AOAH: variants seen among roughly 807,000 people sequenced by gnomAD.
The protein encoded by AOAH is acyloxyacyl hydrolase.
Under a neutral mutation model 92.2 loss-of-function variants are expected in AOAH, and 64 were observed. The ratio of observed to expected loss-of-function variants is 0.69; its 90% CI spans 0.57 to 0.86. AOAH has a LOEUF of 0.86. AOAH is among the 40% of genes least tolerant of loss of function. The pLI is 0.00. For missense variants in AOAH, 656 were observed against 694.6 expected, an observed-to-expected ratio of 0.94 and a Z score of 0.62; for synonymous variants, 263 against 254.5, an observed-to-expected ratio of 1.03 and a Z score of -0.32.
chr7:36,521,073 G>A (rs1314455872), intron 20 of AOAH, among the ~76,000 whole-genome samples: 1 of 152,076 alleles, frequency 6.6e-6, no homozygotes, highest in East Asian at 1.9e-4. Context: ...TTGGAGGAAG[G>A]TGGGCTGTGT....
intron 13 of AOAH, among the ~76,000 whole-genome samples, chr7:36,569,537 C>T (rs1191982407): frequency 6.6e-6 from 1 of 151,030 alleles, no homozygotes; most frequent in African/African-American, 2.4e-5. Flanking sequence ...ACCAGATTTA[C>T]ATATATATAT....
chr7:36,611,111 C>T (rs749021496), intron 11 of AOAH, among the ~76,000 whole-genome samples: 5 of 152,108 alleles, frequency 3.3e-5, no homozygotes, highest in African/African-American at 4.8e-5. Context: ...TTATTCTTGT[C>T]CCGTCTCCTA....
chr7:36,553,435 C>T (rs374901277), intron 13 of AOAH, among the ~76,000 whole-genome samples: 3 of 151,032 alleles, frequency 2.0e-5, no homozygotes, highest in African/African-American at 4.9e-5. Flanking sequence ...TGAATAGTGC[C>T]GCAATAAACA....
At chr7:36,687,361 T>TG (rs1797099188) in intron 1 of AOAH, among the ~76,000 whole-genome samples, 1 of 152,172 alleles carries the variant, frequency 6.6e-6, no homozygotes, top group East Asian at 1.9e-4. Context: ...GCATACTACT[T>TG]GAAAGCATGC....
intron 16 of AOAH, among the ~76,000 whole-genome samples, chr7:36,538,766 A>G (rs1785239048): frequency 6.6e-6 from 1 of 152,218 alleles, no homozygotes; most frequent in Non-Finnish European, 1.5e-5. Flanking sequence ...ATGTGTGATC[A>G]TGTTATTTCT....
chr7:36,565,746 C>A (rs1040837795), intron 13 of AOAH, among the ~76,000 whole-genome samples: 1 of 151,704 alleles, frequency 6.6e-6, no homozygotes, highest in Non-Finnish European at 1.5e-5. Context: ...TCTCGCTATG[C>A]GCAGACTTGT....
chr7:36,711,336 T>G (rs1798757585), intron 1 of AOAH, among the ~76,000 whole-genome samples: 1 of 152,220 alleles, frequency 6.6e-6, no homozygotes, highest in African/African-American at 2.4e-5. Context: ...AAATATTCTG[T>G]ATTCTTACCT....
intron 1 of AOAH, among the ~76,000 whole-genome samples, chr7:36,714,216 A>G (rs1395968806): frequency 6.6e-6 from 1 of 152,246 alleles, no homozygotes; most frequent in Non-Finnish European, 1.5e-5. Context: ...CAAATAAACT[A>G]GAAAAGCTAG....
intron 1 of AOAH, among the ~76,000 whole-genome samples, chr7:36,715,245 T>A (rs1397499586): frequency 6.6e-6 from 1 of 151,962 alleles, no homozygotes; most frequent in Non-Finnish European, 1.5e-5. Context: ...GAGCATAAAA[T>A]ACCTAGGAAT....
chr7:36,705,197 A>G (rs1163543089), intron 1 of AOAH, among the ~76,000 whole-genome samples: 1 of 152,182 alleles, frequency 6.6e-6, no homozygotes, highest in Non-Finnish European at 1.5e-5. Flanking sequence ...AAGTCAAATT[A>G]TCTCTGTTTG....
At chr7:36,650,598 A>T (rs563224663) in intron 4 of AOAH, among the ~76,000 whole-genome samples, 7 of 152,234 alleles carry the variant, frequency 4.6e-5, no homozygotes, top group Non-Finnish European at 7.3e-5. Context: ...CAGGAATACC[A>T]GAGCAGGCGC....
At chr7:36,595,697 CTGAG>C in intron 11 of AOAH, among the ~76,000 whole-genome samples, 1 of 152,296 alleles carries the variant, frequency 6.6e-6, no homozygotes. Context: ...TCAAATTTGA[CTGAG>C]TATCTTGTAT....
intron 4 of AOAH, among the ~76,000 whole-genome samples, chr7:36,656,517 G>C (rs991154142): frequency 1.3e-5 from 2 of 151,974 alleles, no homozygotes; most frequent in African/African-American, 4.8e-5. Flanking sequence ...CCCAAGTTTA[G>C]GCAAGCCTTT....
At chr7:36,615,879 TTC>T (rs1008416418) in intron 11 of AOAH, among the ~76,000 whole-genome samples, 5 of 145,616 alleles carry the variant, frequency 3.4e-5, no homozygotes, top group African/African-American at 1.4e-4. Flanking sequence ...TGTGGCCCTC[TTC>T]TTTTTTTTTT....
chr7:36,679,143 C>G (rs1796483451), intron 2 of AOAH, among the ~76,000 whole-genome samples: 1 of 151,990 alleles, frequency 6.6e-6, no homozygotes, highest in African/African-American at 2.4e-5. Flanking sequence ...ATAGGACATT[C>G]CAATTTGTAA....
At chr7:36,619,942 G>A (rs986284285) in intron 9 of AOAH, among the ~76,000 whole-genome samples, 8 of 151,924 alleles carry the variant, frequency 5.3e-5, no homozygotes, top group Non-Finnish European at 1.0e-4. Context: ...TAAGCTTCAG[G>A]GCCCATCACA....
chr7:36,540,380 C>A lies in AOAH; in HGVS notation c.1245G>T (p.Leu415Phe), dbSNP rs149792324. Residue 415 changes from leucine (L) to phenylalanine (F), a missense_variant, in exon 16 of 21, where the codon TTG (leucine) becomes TTT (phenylalanine). Coordinates refer to ENST00000617537, the MANE Select transcript of AOAH (RefSeq NM_001637.4). ...SHLPNGSHVI[L>F]YGLPDGTFLW... ...GAAAGGTTCCATCTGGTAAGCCATA[C>A]AAAATAACATGGCTGCCATTGGGCA... 5.5e-5 allele frequency: 88 copies of A among 1,613,962 alleles called. No individual in the cohort carries two copies. The African/African-American group carries it at 1.1e-3, about 21-fold the overall frequency.
At chr7:36,661,405 A>T (rs1234474157) in intron 3 of AOAH, 1 of 152,224 alleles carries the variant, frequency 6.6e-6, no homozygotes, top group Non-Finnish European at 1.5e-5. Context: ...GGCAGAACCC[A>T]GAGGACGTGC....
chr7:36,572,363 TA>T (rs938162942), intron 13 of AOAH, among the ~76,000 whole-genome samples: 14 of 151,062 alleles, frequency 9.3e-5, no homozygotes, highest in African/African-American at 3.4e-4. Context: ...ATGAATAAAA[TA>T]AAAAATAAAA....
Sources: allele counts gnomAD v4.1 joint callset (sites outside exome capture counted in the v4.1 genomes callset), GRCh38; gene constraint gnomAD v4.1.1; transcripts MANE v1.5; gene names NCBI Gene and HGNC (gene_info 2026-07-23, HGNC 2026-07-21).